UBE2A: variants seen among roughly 807,000 people sequenced by gnomAD.
The protein encoded by UBE2A is ubiquitin-conjugating enzyme E2 A.
For missense variants in UBE2A, 27 were observed against 125.8 expected (o/e 0.21, Z 3.76); for synonymous variants, 39 against 41.1 (o/e 0.95, Z 0.20).
At chrX:119,579,550 G>A (rs1365871798) in intron 3 of UBE2A, among the ~76,000 whole-genome samples, 1 of 111,402 alleles carries the variant, frequency 9.0e-6, no homozygotes, top group Non-Finnish European at 1.9e-5. Context: ...TATATGGTGG[G>A]TACTATGATT....
At chrX:119,575,159 G>C in intron 2 of UBE2A, 178 bp downstream of exon 2, 1 of 763,621 alleles carries the variant, frequency 1.3e-6, no homozygotes, top group African/African-American at 2.1e-5. Context: ...GCTGCCAGGG[G>C]GAACCGCTTG....
At chrX:119,581,783 C>A (rs1026598894) in intron 4 of UBE2A, among the ~76,000 whole-genome samples, 187 bp downstream of exon 4, 7 of 112,091 alleles carry the variant, frequency 6.2e-5, no homozygotes, top group Admixed American at 9.5e-5. Flanking sequence ...GAGGTATTTT[C>A]CCTTTGCTTG....
At chrX:119,575,267 C>A in intron 2 of UBE2A, 108 bp from the exon 3 acceptor site, 1 of 1,108,896 alleles carries the variant, frequency 9.0e-7, no homozygotes, top group Non-Finnish European at 1.2e-6. Flanking sequence ...TGGCTTCCGA[C>A]CCCGGTAGCG....
intron 3 of UBE2A, chrX:119,581,282 G>C: frequency 6.5e-6 from 2 of 308,932 alleles, no homozygotes; most frequent in South Asian, 1.3e-4. Context: ...TTGTGTTTAT[G>C]ATGGCTGTCT....
chrX:119,580,074 CAT>C (rs1284584335), intron 3 of UBE2A, among the ~76,000 whole-genome samples: 1 of 111,527 alleles, frequency 9.0e-6, no homozygotes, highest in Non-Finnish European at 1.9e-5. Context: ...TTCTAATGGG[CAT>C]ATGTTTGTCC....
rs1478068923 is a variant in UBE2A, at chrX:119,575,387, C to T, written c.138C>T (p.Thr46=). ...WNAVIFGPEG[T]PFEDGTFKLT... is the part of the protein sequence containing the mutation. ...CTCTGTGTTGCAGGCCTGAAGGGAC[C>T]CCGTTTGAGGATGGTAAGAGAGAGT... is the stretch of plus-strand genomic sequence containing the variant. The change falls in exon 3 of 6, where the codon ACC becomes ACT. Residue 46 remains threonine, a synonymous_variant. Transcript: ENST00000371558. The T allele has an allele frequency of 1.7e-6, 2 of 1,211,519 alleles. No homozygotes were observed. The highest frequency in any genetic ancestry group is 3.0e-5 in the East Asian group (1 of 33,832).
At chrX:119,575,453 G>A (rs2053410210) in intron 3 of UBE2A, 53 bp downstream of exon 3, 1 of 1,199,869 alleles carries the variant, frequency 8.3e-7, no homozygotes, top group Non-Finnish European at 1.1e-6. Context: ...TCTGGGGAAA[G>A]GGTTCCCAGT....
In UBE2A at chrX:119,584,422, C is replaced by G. The variant is rs1211395544; in HGVS notation, c.*1167C>G. On this transcript the variant is annotated 3_prime_UTR_variant, in exon 6 of 6. Transcript: ENST00000371558. ...GTAAATAAAAATAACCTTAAAATTT[C>G]ATAGTCAAGGTATCTTTTTTTTTTT... 1 of 92,758 alleles carries G rather than the reference C, an allele frequency of 1.1e-5. No individual in the cohort carries two copies. The highest frequency in any genetic ancestry group is 1.3e-4 in the Admixed American group (1 of 7,731). The allele number at this position is 92,758 out of a possible 1,213,427, so 7.6% of individuals were successfully genotyped here.
At chrX:119,578,991 T>A (rs749276161) in intron 3 of UBE2A, among the ~76,000 whole-genome samples, 5 of 112,121 alleles carry the variant, frequency 4.5e-5, no homozygotes, top group African/African-American at 1.6e-4. Flanking sequence ...GATTTTAAAT[T>A]CCCTTAACAT....
Position 119,574,946 on chromosome X carries a change from G to A in UBE2A, c.90G>A (p.Glu30=). 8.2e-7 allele frequency: 1 copy of A among 1,212,270 alleles called. No homozygotes were observed. The highest frequency in any genetic ancestry group is 1.1e-6 in the Non-Finnish European group (1 of 895,519). Residue 30 remains glutamate, a synonymous_variant, in exon 2 of 6, where the codon GAG becomes GAA. Coordinates refer to ENST00000371558, the MANE Select transcript of UBE2A (RefSeq NM_003336.4). ...PPAGVSGAPS[E]NNIMVWNAVI... ...CCGGAGTCAGCGGGGCTCCGTCCGA[G>A]AACAACATAATGGTGTGGAACGCGG...
At chrX:119,576,151 C>T (rs2053414330) in intron 3 of UBE2A, among the ~76,000 whole-genome samples, 1 of 111,729 alleles carries the variant, frequency 9.0e-6, no homozygotes, top group South Asian at 3.7e-4. Flanking sequence ...TTTAAAAACA[C>T]GTGTAAATTG....
intron 4 of UBE2A, 42 bp downstream of exon 4, chrX:119,581,638 G>A (rs1391303546): frequency 1.0e-6 from 1 of 981,731 alleles, no homozygotes; most frequent in Admixed American, 2.2e-5. Context: ...CTACTATAGT[G>A]TTTATTATGG....
chrX:119,582,789 G>A lies in UBE2A; in HGVS notation c.330+113G>A, dbSNP rs35217896. ...ATCTTTTTATTTTTGGTCAAAGCTTGTTTGTTTTATAGATGAAAAGTAGAC... is the reference window on the plus strand; with the variant it reads ...ATCTTTTTATTTTTGGTCAAAGCTTATTTGTTTTATAGATGAAAAGTAGAC... On this transcript the variant is annotated intron_variant, in intron 5 of 5. Coordinates refer to ENST00000371558, the MANE Select transcript of UBE2A (RefSeq NM_003336.4). 91 of 690,220 alleles carry A rather than the reference G, an allele frequency of 1.3e-4. No homozygotes were observed. The East Asian group carries it at 3.3e-3, about 25-fold the overall frequency. The allele number at this position is 690,220 out of a possible 1,213,427, so 56.9% of individuals were successfully genotyped here.
Position 119,583,311 on chromosome X carries a change from G to C in UBE2A, c.*56G>C. The C allele has an allele frequency of 1.7e-6, 2 of 1,190,546 alleles. No homozygotes were observed. The highest frequency in any genetic ancestry group is 2.3e-6 in the Non-Finnish European group (2 of 876,847). On this transcript the variant is annotated 3_prime_UTR_variant, in exon 6 of 6. Coordinates refer to ENST00000371558, the MANE Select transcript of UBE2A (RefSeq NM_003336.4). ...AAGAAAAATATATATTGATGTGTTT[G>C]TCACCTCCCTACTCCTGTCATTACA...
intron 3 of UBE2A, among the ~76,000 whole-genome samples, chrX:119,576,777 A>C (rs1421411023): frequency 8.9e-6 from 1 of 112,116 alleles, no homozygotes; most frequent in African/African-American, 3.2e-5. Flanking sequence ...CAGGGCTGCA[A>C]AGAAAAGAAA....
intron 5 of UBE2A, 53 bp from the exon 6 acceptor site, chrX:119,583,074 T>C: frequency 8.4e-7 from 1 of 1,197,470 alleles, no homozygotes; most frequent in Non-Finnish European, 1.1e-6. Context: ...CACTACCTTA[T>C]AAAATAGTTG....
intron 3 of UBE2A, among the ~76,000 whole-genome samples, chrX:119,579,266 C>T: frequency 8.9e-6 from 1 of 111,948 alleles, no homozygotes; most frequent in Non-Finnish European, 1.9e-5. Context: ...GCAGAAAGCT[C>T]AAGTCAAGGA....
Position 119,583,195 on chromosome X carries a change from C to G in UBE2A, c.399C>G (p.Asn133Lys). The change falls in exon 6 of 6, where the codon AAC (asparagine) becomes AAG (lysine). Residue 133 changes from asparagine (N) to lysine (K), a missense_variant. Coordinates refer to ENST00000371558, the MANE Select transcript of UBE2A (RefSeq NM_003336.4). ...NSQAAQLYQE[N>K]KREYEKRVSA... ...AGGCTGCTCAGCTGTACCAGGAGAA[C>G]AAACGGGAATATGAAAAGCGTGTTT... 8.3e-7 allele frequency: 1 copy of G among 1,211,589 alleles called. No individual in the cohort carries two copies. The highest frequency in any genetic ancestry group is 1.1e-6 in the Non-Finnish European group (1 of 895,476).
chrX:119,575,146 C>T, intron 2 of UBE2A, 165 bp downstream of exon 2: 1 of 783,448 alleles, frequency 1.3e-6, no homozygotes, highest in Non-Finnish European at 1.9e-6. Context: ...TAGCTCAGTT[C>T]CCGCTGCCAG....
Sources: gnomAD v4.1 joint callset for allele counts (sites outside exome capture counted in the v4.1 genomes callset) on GRCh38, gnomAD v4.1.1 for gene constraint, MANE v1.5 for transcripts, NCBI Gene and HGNC (gene_info 2026-07-23, HGNC 2026-07-21) for gene names.